Variants in FBXO16 observed in about 807,000 individuals in gnomAD.
FBXO16 encodes the protein F-box protein 16.
Under a neutral mutation model 41.0 loss-of-function variants are expected in FBXO16, and 31 were observed. That is an observed-to-expected ratio of 0.76 (90% CI 0.57 to 1.02). The LOEUF is 1.02. Ranked by LOEUF, FBXO16 falls within the 50% of genes least tolerant of loss-of-function variation. The pLI, the probability that FBXO16 is intolerant of heterozygous loss-of-function variation, is 0.00. For missense variants in FBXO16, 361 were observed against 346.2 expected (o/e 1.04, Z -0.34); for synonymous variants, 133 against 117.8 (o/e 1.13, Z -0.84).
chr8:28,439,094 CAAAA>C (rs57234757), intron 7 of FBXO16, among the ~76,000 whole-genome samples: 9 of 123,584 alleles, frequency 7.3e-5, no homozygotes, highest in Admixed American at 2.5e-4. Context: ...GAACCTGTCT[CAAAA>C]AAAAAAAAAA....
At chr8:28,483,588 G>A in intron 1 of FBXO16, 126 bp from the exon 2 acceptor site, 1 of 644,284 alleles carries the variant, frequency 1.6e-6, no homozygotes, top group Non-Finnish European at 2.7e-6. Flanking sequence ...GGAGGCTGAG[G>A]TGGGCGGATC....
chr8:28,456,343 A>G (rs1053965818), intron 5 of FBXO16, among the ~76,000 whole-genome samples: 1 of 152,230 alleles, frequency 6.6e-6, no homozygotes, highest in Non-Finnish European at 1.5e-5. Flanking sequence ...TTTTCCTTAT[A>G]AACGATACAA....
chr8:28,464,700 T>C (rs192855647), intron 3 of FBXO16, among the ~76,000 whole-genome samples: 15 of 152,304 alleles, frequency 9.8e-5, no homozygotes, highest in Non-Finnish European at 1.5e-5. Flanking sequence ...GTTGCCTAGA[T>C]TGGAGTGCAG....
intron 7 of FBXO16, among the ~76,000 whole-genome samples, chr8:28,433,007 G>A (rs1047799595): frequency 4.6e-5 from 7 of 151,434 alleles, no homozygotes; most frequent in Non-Finnish European, 7.4e-5. Flanking sequence ...GTTGCAGTGA[G>A]CCGAGATTGC....
intron 2 of FBXO16, among the ~76,000 whole-genome samples, chr8:28,474,552 C>T (rs1011994540): frequency 2.6e-5 from 4 of 152,006 alleles, no homozygotes; most frequent in African/African-American, 9.7e-5. Context: ...TGAGAATTTA[C>T]AAAACAAGTG....
At chr8:28,486,780 C>T (rs956334607) in intron 1 of FBXO16, among the ~76,000 whole-genome samples, 2 of 151,868 alleles carry the variant, frequency 1.3e-5, no homozygotes, top group East Asian at 1.9e-4. Context: ...GTTGAGGCTG[C>T]GGTAAGCTGT....
In FBXO16 at chr8:28,463,327, T is replaced by C. The variant is rs374165552; in HGVS notation, c.342+285A>G. Among the ~76,000 whole-genome samples the C allele has an allele frequency of 5.9e-5, 9 of 151,804 alleles. No homozygotes were observed. The East Asian group carries it at 1.0e-3, about 17-fold the overall frequency. On this transcript the variant is annotated intron_variant, in intron 4 of 8. Transcript: ENST00000380254. Reference sequence around the variant, plus strand: ...GTTTGTGTGTGTGTGTATATGTGTATGTGTGTTTGTGTGTATATTTGTGTT... The same window carrying C: ...GTTTGTGTGTGTGTGTATATGTGTACGTGTGTTTGTGTGTATATTTGTGTT...
At position 28,465,728 on chromosome 8, in the gene FBXO16, T is replaced by TA. The variant is rs1335064848; in HGVS notation, c.136-1911dup. On this transcript the variant is annotated intron_variant, in intron 3 of 8. Transcript: ENST00000380254. ...AAGATTAAAACAGAGGGGACTTTCT[T>TA]ACGCCAGCTCAGATAAACTGGGGCC... 2.0e-5 allele frequency among the ~76,000 whole-genome samples: 3 copies of TA among 152,352 alleles called. No individual in the cohort carries two copies. The East Asian group carries it at 5.8e-4, about 29-fold the overall frequency.
chr8:28,474,352 A>ATG, intron 2 of FBXO16, among the ~76,000 whole-genome samples: 1 of 127,970 alleles, frequency 7.8e-6, no homozygotes, highest in South Asian at 2.4e-4. Flanking sequence ...AAAAAAAAAA[A>ATG]AGAGAGAGAA....
At chr8:28,459,669 G>A (rs1803094144) in intron 4 of FBXO16, among the ~76,000 whole-genome samples, 2 of 122,770 alleles carry the variant, frequency 1.6e-5, no homozygotes, top group Admixed American at 1.7e-4. Flanking sequence ...TAATAATAAT[G>A]CATCATATAT....
chr8:28,465,196 T>C (rs2130161823), intron 3 of FBXO16: 1 of 161,768 alleles, frequency 6.2e-6, no homozygotes, highest in African/African-American at 2.4e-5. Context: ...GTCAACAAAT[T>C]GCGTTTAAAG....
intron 7 of FBXO16, among the ~76,000 whole-genome samples, chr8:28,434,765 G>A (rs1052760370): frequency 2.0e-5 from 3 of 152,324 alleles, no homozygotes; most frequent in South Asian, 2.1e-4. Context: ...AGCCCCTTGC[G>A]GGAGGGAGCA....
chr8:28,488,293 C>CTTTTTTTTT (rs10708340), intron 1 of FBXO16, among the ~76,000 whole-genome samples: 1 of 96,226 alleles, frequency 1.0e-5, no homozygotes, highest in Non-Finnish European at 2.0e-5. Context: ...TCTTCTAAGC[C>CTTTTTTTTT]TTTTTTTTTT....
intron 7 of FBXO16, among the ~76,000 whole-genome samples, chr8:28,435,841 CT>C (rs1335568540): frequency 6.6e-6 from 1 of 152,158 alleles, no homozygotes; most frequent in African/African-American, 2.4e-5. Context: ...TTTCAACTGT[CT>C]ATAGCTTGGC....
chr8:28,445,346 C>T (rs1802847212), intron 7 of FBXO16, among the ~76,000 whole-genome samples: 1 of 152,106 alleles, frequency 6.6e-6, no homozygotes, highest in South Asian at 2.1e-4. Flanking sequence ...TAGGGTTTGA[C>T]AGATGGTTAA....
intron 2 of FBXO16, among the ~76,000 whole-genome samples, chr8:28,478,372 A>G (rs1004766682): frequency 3.9e-5 from 6 of 152,106 alleles, no homozygotes; most frequent in Non-Finnish European, 5.9e-5. Context: ...GCCTTGCCCA[A>G]GGTCAGACCT....
intron 1 of FBXO16, among the ~76,000 whole-genome samples, chr8:28,488,213 C>G (rs1463218609): frequency 6.7e-6 from 1 of 149,668 alleles, no homozygotes; most frequent in Admixed American, 6.7e-5. Flanking sequence ...GACCCTAGTT[C>G]TTGACATATG....
At chr8:28,455,172 T>C (rs1037734471) in intron 5 of FBXO16, among the ~76,000 whole-genome samples, 5 of 151,658 alleles carry the variant, frequency 3.3e-5, no homozygotes, top group Non-Finnish European at 5.9e-5. Context: ...ACCTCCTGGG[T>C]TCAAGTGATC....
intron 1 of FBXO16, among the ~76,000 whole-genome samples, chr8:28,486,536 T>TGTA (rs1283685518): frequency 1.7e-4 from 26 of 152,036 alleles, no homozygotes; most frequent in Non-Finnish European, 2.8e-4. Flanking sequence ...CTACATTTCT[T>TGTA]CTTTTAAAAC....
Sources: allele counts gnomAD v4.1 joint callset (sites outside exome capture counted in the v4.1 genomes callset), GRCh38; gene constraint gnomAD v4.1.1; transcripts MANE v1.5; gene names NCBI Gene and HGNC (gene_info 2026-07-23, HGNC 2026-07-21).